The following LAMB4 variants were observed in gnomAD, a reference collection of about 807,000 sequenced individuals.
LAMB4 encodes the protein laminin subunit beta 4, also known as laminin subunit beta-4.
A neutral mutation model predicts 199.2 loss-of-function variants in LAMB4; 196 were observed. That is an observed-to-expected ratio of 0.98 (90% CI 0.88 to 1.11). LAMB4 has a LOEUF of 1.11. Ranked by LOEUF, LAMB4 falls within the 50% of genes least tolerant of loss-of-function variation. The pLI is 0.00. For synonymous variants in LAMB4, 744 were observed against 770.6 expected, an observed-to-expected ratio of 0.97 and a Z score of 0.57; for missense variants, 2,080 against 2,171.2, an observed-to-expected ratio of 0.96 and a Z score of 0.83.
At chr7:108,073,120 T>G (rs1045707540) in intron 17 of LAMB4, among the ~76,000 whole-genome samples, 1 of 152,196 alleles carries the variant, frequency 6.6e-6, no homozygotes, top group Non-Finnish European at 1.5e-5. Context: ...TTCTCCTGCC[T>G]CAGCCTCCCC....
At chr7:108,092,029 C>G (rs1398883173) in intron 13 of LAMB4, among the ~76,000 whole-genome samples, 1 of 151,274 alleles carries the variant, frequency 6.6e-6, no homozygotes, top group Non-Finnish European at 1.5e-5. Context: ...AGGTTCTGCT[C>G]TAAAATCTGG....
intron 14 of LAMB4, among the ~76,000 whole-genome samples, chr7:108,082,329 T>TA (rs34929844): frequency 0.021 from 2,221 of 104,538 alleles, 31 homozygotes; most frequent in Middle Eastern, 0.043. Flanking sequence ...GACTCCGTCT[T>TA]AAAAAAAAAA....
rs950841767 is a variant in LAMB4, at chr7:108,107,654, T to C, written c.568A>G (p.Ile190Val). ...DIVCDSKYSD[I>V]EPSTGGEVVL... ...ACCTCTCCACCTGTTGAGGGTTCAA[T>C]ATCCGAGTATTTGGAGTCACAAACA... Residue 190 changes from isoleucine (I) to valine (V), a missense_variant, in exon 6 of 34, where the codon ATT (isoleucine) becomes GTT (valine). By Grantham distance (29) the Ile-to-Val change is conservative (BLOSUM62 3). Coordinates refer to ENST00000388781, the MANE Select transcript of LAMB4 (RefSeq NM_007356.3). 2 of 1,610,502 alleles carry C rather than the reference T, an allele frequency of 1.2e-6. No individual in the cohort carries two copies. Among genetic ancestry groups the C allele is most frequent in the Admixed American group, 3.4e-5 (2 of 59,032 alleles).
intron 2 of LAMB4, among the ~76,000 whole-genome samples, chr7:108,121,620 A>T (rs1203997435): frequency 6.6e-6 from 1 of 151,898 alleles, no homozygotes; most frequent in Non-Finnish European, 1.5e-5. Context: ...GCATGGTGGG[A>T]GCACCTGTAA....
At chr7:108,013,506 T>C in the LAMB4 span, among the ~76,000 whole-genome samples, 1 of 152,206 alleles carries the variant, frequency 6.6e-6, no homozygotes, top group Non-Finnish European at 1.5e-5. Context: ...GACTGCTCTC[T>C]ACTGTAATGC....
intron 17 of LAMB4, among the ~76,000 whole-genome samples, chr7:108,073,560 T>C (rs886146162): frequency 1.3e-5 from 2 of 152,216 alleles, no homozygotes; most frequent in Non-Finnish European, 2.9e-5. Flanking sequence ...AGGAGCACCA[T>C]GGATAAACAA....
In LAMB4 at chr7:108,080,917, T is replaced by C. The variant is rs554244501; in HGVS notation, c.1702-1131A>G. Among the ~76,000 whole-genome samples the C allele has an allele frequency of 6.2e-3, 943 of 151,212 alleles. 5 individuals carry two copies. The highest frequency in any genetic ancestry group is 0.013 in the Admixed American group (192 of 15,208). ...GGCGGGTGGATCACGAGGTCAGGAGTTAGAGACCAGCCTGGCCAACATGGT... is the reference window on the plus strand; with the variant it reads ...GGCGGGTGGATCACGAGGTCAGGAGCTAGAGACCAGCCTGGCCAACATGGT... On this transcript the variant is annotated intron_variant, in intron 14 of 33. Coordinates refer to ENST00000388781, the MANE Select transcript of LAMB4 (RefSeq NM_007356.3).
At chr7:108,025,527 C>T (rs2034810962) in intron 33 of LAMB4, among the ~76,000 whole-genome samples, 2 of 151,556 alleles carry the variant, frequency 1.3e-5, no homozygotes, top group East Asian at 1.9e-4. Flanking sequence ...CTCCTGGGTT[C>T]AAGCGATTCT....
At chr7:108,120,125 C>A (rs1372812355) in intron 2 of LAMB4, among the ~76,000 whole-genome samples, 2 of 152,008 alleles carry the variant, frequency 1.3e-5, no homozygotes, top group Non-Finnish European at 2.9e-5. Context: ...CAGGGATGGG[C>A]CTATAATAAA....
chr7:108,045,844 A>C (rs2035600352), intron 28 of LAMB4, among the ~76,000 whole-genome samples: 1 of 152,160 alleles, frequency 6.6e-6, no homozygotes, highest in Admixed American at 6.5e-5. Context: ...CAGAATTGTG[A>C]CTATGTAAGT....
At chr7:108,065,008 C>A (rs775092388) in intron 21 of LAMB4, among the ~76,000 whole-genome samples, 1 of 151,312 alleles carries the variant, frequency 6.6e-6, no homozygotes, top group Non-Finnish European at 1.5e-5. Context: ...TGGGCTCAAG[C>A]GATCCTCTTG....
At chr7:108,054,307 C>G (rs1374497311) in intron 25 of LAMB4, among the ~76,000 whole-genome samples, 1 of 152,178 alleles carries the variant, frequency 6.6e-6, no homozygotes, top group African/African-American at 2.4e-5. Context: ...GGCCATTTGT[C>G]CTCCCTGGGC....
chr7:108,117,939 C>A (rs1184035949), intron 2 of LAMB4, among the ~76,000 whole-genome samples: 1 of 152,094 alleles, frequency 6.6e-6, no homozygotes, highest in Non-Finnish European at 1.5e-5. Context: ...TTTACTGCAA[C>A]CTGTTTTACC....
At chr7:108,027,059 T>C (rs2034863784) in intron 33 of LAMB4, 1 of 346,372 alleles carries the variant, frequency 2.9e-6, no homozygotes, top group South Asian at 2.3e-5. Context: ...AATGTGTGTA[T>C]GACATAAACA....
At chr7:108,040,807 T>C (rs965060142) in intron 29 of LAMB4, among the ~76,000 whole-genome samples, 8 of 151,986 alleles carry the variant, frequency 5.3e-5, no homozygotes, top group African/African-American at 1.9e-4. Context: ...TATAAAAACC[T>C]TGGAAGGCAA....
intron 24 of LAMB4, among the ~76,000 whole-genome samples, chr7:108,057,313 C>G (rs2036015040): frequency 6.6e-6 from 1 of 152,116 alleles, no homozygotes; most frequent in African/African-American, 2.4e-5. Flanking sequence ...TTCCAAGAGC[C>G]AAAGTTTCAC....
chr7:108,055,485 C>T, intron 25 of LAMB4, 147 bp downstream of exon 25: 1 of 902,012 alleles, frequency 1.1e-6, no homozygotes, highest in East Asian at 2.4e-5. Flanking sequence ...TGGCGCCCGG[C>T]CCAGCCTGGT....
rs905250230 is a variant in LAMB4 at position 108,069,841 on chromosome 7, G to A, written c.2169C>T (p.Ser723=). Residue 723 remains serine, a synonymous_variant, in exon 18 of 34, where the codon AGC becomes AGT. Transcript: ENST00000388781. ...GCTGATACTCATCTAAGTCCTGCTT[G>A]CTGCAGAAATTCTCCAATGAATTGA... The part of the protein sequence containing the change: ...PQINSLENFC[S]KQDLDEYQLH... The A allele has an allele frequency of 2.5e-6, 4 of 1,613,416 alleles. No individual in the cohort carries two copies. The highest frequency in any genetic ancestry group is 1.7e-4 in the Middle Eastern group (1 of 6,060).
At chr7:108,055,069 T>A (rs1263252410) in intron 25 of LAMB4, among the ~76,000 whole-genome samples, 1 of 152,258 alleles carries the variant, frequency 6.6e-6, no homozygotes, top group Non-Finnish European at 1.5e-5. Flanking sequence ...CTTTCAGCTT[T>A]ACTGAGTTTG....
Sources: gnomAD v4.1 joint callset for allele counts (sites outside exome capture counted in the v4.1 genomes callset) on GRCh38, gnomAD v4.1.1 for gene constraint, MANE v1.5 for transcripts, NCBI Gene and HGNC (gene_info 2026-07-23, HGNC 2026-07-21) for gene names.